The following STPG2 variants were observed in gnomAD, a reference collection of about 807,000 sequenced individuals.
STPG2 encodes sperm tail PG-rich repeat containing 2.
Under a neutral mutation model 54.2 loss-of-function variants are expected in STPG2, and 56 were observed. The observed-to-expected ratio is 1.03, with a 90% CI of 0.83 to 1.29. The LOEUF (loss-of-function observed/expected upper bound fraction) is 1.29. Ranked by LOEUF, STPG2 falls within the 50% of genes most tolerant of loss-of-function variation. STPG2 has a pLI of 0.00. For synonymous variants in STPG2, 200 were observed against 181.8 expected (o/e 1.10, Z -0.81); for missense variants, 596 against 544.9 (o/e 1.09, Z -0.93).
intron 10 of STPG2, among the ~76,000 whole-genome samples, chr4:97,656,569 T>C (rs1722224524): frequency 6.6e-6 from 1 of 151,940 alleles, no homozygotes; most frequent in African/African-American, 2.4e-5. Flanking sequence ...CAAATTAGCA[T>C]GGTCTTCACA....
At chr4:98,104,959 A>T (rs1463525819) in intron 5 of STPG2, among the ~76,000 whole-genome samples, 2 of 152,202 alleles carry the variant, frequency 1.3e-5, no homozygotes, top group Non-Finnish European at 2.9e-5. Flanking sequence ...GGCAGACAAG[A>T]TTGAAAACCT....
chr4:97,864,734 C>G (rs1334256905), intron 8 of STPG2, among the ~76,000 whole-genome samples: 2 of 152,000 alleles, frequency 1.3e-5, no homozygotes, highest in Admixed American at 1.3e-4. Context: ...CTACTGGTAC[C>G]AAAACATAGA....
chr4:97,935,807 C>T (rs968720867), intron 8 of STPG2, among the ~76,000 whole-genome samples: 2 of 151,964 alleles, frequency 1.3e-5, no homozygotes, highest in South Asian at 2.1e-4. Flanking sequence ...ATTATGTGAT[C>T]GATTTTAGAG....
chr4:97,481,106 T>C (rs370055380), intron 4 of STPG2, among the ~76,000 whole-genome samples: 15 of 151,702 alleles, frequency 9.9e-5, no homozygotes, highest in African/African-American at 3.6e-4. Context: ...AACACATTTT[T>C]TGGCATACCA....
chr4:97,951,515 CT>C (rs1733469659), intron 7 of STPG2, among the ~76,000 whole-genome samples: 1 of 151,900 alleles, frequency 6.6e-6, no homozygotes, highest in Non-Finnish European at 1.5e-5. Flanking sequence ...TTTTTCCCCC[CT>C]TAAGACTGTG....
chr4:97,725,624 CAGAG>C (rs367811747), intron 9 of STPG2, among the ~76,000 whole-genome samples: 1 of 150,212 alleles, frequency 6.7e-6, no homozygotes, highest in Non-Finnish European at 1.5e-5. Context: ...AGTAAAAAGG[CAGAG>C]AGAGAGAAAA....
intron 9 of STPG2, among the ~76,000 whole-genome samples, chr4:97,796,988 T>C (rs915735818): frequency 4.6e-5 from 7 of 152,204 alleles, no homozygotes; most frequent in Non-Finnish European, 8.8e-5. Context: ...ATGATTTGGC[T>C]CTCTGTTATT....
chr4:97,653,862 G>A (rs1419012044), intron 10 of STPG2, among the ~76,000 whole-genome samples: 3 of 152,126 alleles, frequency 2.0e-5, no homozygotes, highest in Non-Finnish European at 2.9e-5. Flanking sequence ...AAGAAAGACC[G>A]CTAATAAAGG....
At chr4:97,929,587 T>C (rs534696610) in intron 8 of STPG2, among the ~76,000 whole-genome samples, 1 of 152,332 alleles carries the variant, frequency 6.6e-6, no homozygotes, top group Non-Finnish European at 1.5e-5. Flanking sequence ...TGTCAGATGG[T>C]ATCTCAGTAT....
At chr4:98,127,963 G>A (rs908190405) in intron 3 of STPG2, among the ~76,000 whole-genome samples, 1 of 152,070 alleles carries the variant, frequency 6.6e-6, no homozygotes, top group African/African-American at 2.4e-5. Context: ...TATACACTGT[G>A]GCAGAGACTC....
At chr4:98,065,564 A>G (rs1737808707) in intron 5 of STPG2, among the ~76,000 whole-genome samples, 1 of 152,182 alleles carries the variant, frequency 6.6e-6, no homozygotes, top group Non-Finnish European at 1.5e-5. Flanking sequence ...TCACAAACAA[A>G]TAAGATATTA....
At chr4:97,702,806 C>A (rs1723816214) in intron 10 of STPG2, among the ~76,000 whole-genome samples, 1 of 152,128 alleles carries the variant, frequency 6.6e-6, no homozygotes, top group Non-Finnish European at 1.5e-5. Flanking sequence ...AGTCAATGCC[C>A]TCACATTAAT....
intron 9 of STPG2, among the ~76,000 whole-genome samples, chr4:97,810,725 C>T (rs144714630): frequency 0.01 from 1,542 of 152,062 alleles, 26 homozygotes; most frequent in African/African-American, 0.035. Context: ...CTCATAATGA[C>T]AATATACTGG....
At chr4:97,499,899 G>A (rs1220071649) in intron 4 of STPG2, among the ~76,000 whole-genome samples, 1 of 151,984 alleles carries the variant, frequency 6.6e-6, no homozygotes, top group African/African-American at 2.4e-5. Flanking sequence ...GGATAAAAGA[G>A]TAATTGGGCT....
chr4:97,941,511 T>C (rs1258773810), intron 8 of STPG2, among the ~76,000 whole-genome samples: 1 of 152,088 alleles, frequency 6.6e-6, no homozygotes, highest in Non-Finnish European at 1.5e-5. Flanking sequence ...AATGCTTATG[T>C]CATGGTTTTT....
intron 5 of STPG2, among the ~76,000 whole-genome samples, chr4:98,023,568 G>A (rs887805022): frequency 3.9e-5 from 6 of 152,164 alleles, no homozygotes; most frequent in South Asian, 2.1e-4. Context: ...GCTGTCAGAC[G>A]GGGACATTTA....
intron 5 of STPG2, among the ~76,000 whole-genome samples, chr4:98,072,209 C>T (rs945444286): frequency 2.0e-5 from 3 of 152,134 alleles, no homozygotes; most frequent in African/African-American, 7.2e-5. Context: ...TACATATATA[C>T]CACAGAATAC....
chr4:97,792,510 T>C (rs975127113), intron 9 of STPG2, among the ~76,000 whole-genome samples: 11 of 152,124 alleles, frequency 7.2e-5, no homozygotes, highest in African/African-American at 9.7e-5. Flanking sequence ...GTTATGACAA[T>C]AGCCTATATT....
At chr4:97,600,323 C>A (rs1733425601) in intron 10 of STPG2, among the ~76,000 whole-genome samples, 1 of 152,056 alleles carries the variant, frequency 6.6e-6, no homozygotes, top group South Asian at 2.1e-4. Flanking sequence ...TTCCCTTGTA[C>A]CAGAACATGC....
Sources: allele counts gnomAD v4.1 joint callset (sites outside exome capture counted in the v4.1 genomes callset), GRCh38; gene constraint gnomAD v4.1.1; transcripts MANE v1.5; gene names NCBI Gene and HGNC (gene_info 2026-07-23, HGNC 2026-07-21).